Variants in LRIT3 observed in about 807,000 individuals in gnomAD.
The protein encoded by LRIT3 is leucine rich repeat, Ig-like and transmembrane domains 3, also known as leucine-rich repeat, immunoglobulin-like domain and transmembrane domain-containing protein 3.
In LRIT3, 14 loss-of-function variants were observed where a neutral mutation model predicts 22.6. The observed-to-expected ratio is 0.62, with a 90% CI of 0.41 to 0.97. LRIT3 has a LOEUF of 0.97. LRIT3 is among the 50% of genes least tolerant of loss of function. The pLI is 0.00. For missense variants in LRIT3, 783 were observed against 803.0 expected (o/e 0.98, Z 0.30); for synonymous variants, 306 against 304.5 (o/e 1.01, Z -0.05).
At chr4:109,853,084 T>C (rs979859196) in intron 2 of LRIT3, among the ~76,000 whole-genome samples, 3 of 152,228 alleles carry the variant, frequency 2.0e-5, no homozygotes, top group African/African-American at 7.2e-5. Flanking sequence ...TTATAATCCT[T>C]TGGGTATATA....
At chr4:109,865,122 G>T in intron 2 of LRIT3, 1 of 1,436,356 alleles carries the variant, frequency 7.0e-7, no homozygotes, top group Non-Finnish European at 9.2e-7. Flanking sequence ...TTTATAGGCT[G>T]ATAGAACGTT....
intron 2 of LRIT3, among the ~76,000 whole-genome samples, chr4:109,859,817 C>A (rs1379146627): frequency 6.6e-6 from 1 of 152,200 alleles, no homozygotes; most frequent in Non-Finnish European, 1.5e-5. Flanking sequence ...CATGTTGGCT[C>A]ATTCTGGCAG....
Position 109,851,605 on chromosome 4 carries a change from C to T in LRIT3, c.218C>T (p.Ser73Phe). The change falls in exon 2 of 4, where the codon TCT (serine) becomes TTT (phenylalanine). Residue 73 changes from serine (S) to phenylalanine (F), a missense_variant. Ser to Phe is a radical substitution (Grantham distance 155, BLOSUM62 -2). This residue lies in a region of LRIT3 where 756 missense variants were observed against 753.8 expected (regional missense o/e 1.00). Coordinates refer to ENST00000594814, the MANE Select transcript of LRIT3 (RefSeq NM_198506.5). ...RIEKTVIRRISAEAFYYLVEL... is the reference protein window; with the variant it reads ...RIEKTVIRRIFAEAFYYLVEL... ...GAGAAGACTGTCATCCGCAGAATCT[C>T]TGCGGAGGCCTTCTATTACCTGGTG... The T allele has an allele frequency of 6.4e-7, 1 of 1,551,802 alleles. No individual in the cohort carries two copies. Among genetic ancestry groups the T allele is most frequent in the Non-Finnish European group, 8.7e-7 (1 of 1,147,006 alleles).
At chr4:109,850,422 C>CCTTTCTTT (rs1251866042) in intron 1 of LRIT3, among the ~76,000 whole-genome samples, 18 of 55,106 alleles carry the variant, frequency 3.3e-4, no homozygotes, top group Admixed American at 9.6e-4. Flanking sequence ...TTCCTTCCTT[C>CCTTTCTTT]CTTTCTTTCT....
intron 1 of LRIT3, 52 bp downstream of exon 1, chr4:109,848,369 C>T (rs1734128700): frequency 1.9e-6 from 2 of 1,028,230 alleles, no homozygotes; most frequent in Non-Finnish European, 2.5e-6. Context: ...ACAAAAAGGA[C>T]CCAAACAAGA....
intron 2 of LRIT3, among the ~76,000 whole-genome samples, chr4:109,862,174 C>T (rs540086584): frequency 6.6e-6 from 1 of 152,276 alleles, no homozygotes; most frequent in Non-Finnish European, 1.5e-5. Flanking sequence ...ATTTATTGCT[C>T]ACTTTTCACA....
Position 109,869,856 on chromosome 4 carries a change from C to T in LRIT3, c.1107C>T (p.Val369=). 1 of 1,614,060 alleles carries T rather than the reference C, an allele frequency of 6.2e-7. No individual in the cohort carries two copies. The highest frequency in any genetic ancestry group is 8.5e-7 in the Non-Finnish European group (1 of 1,180,006). The change falls in exon 4 of 4, where the codon GTC becomes GTT. Residue 369 remains valine (V), a synonymous_variant. Transcript: ENST00000594814. ...CTGGAGATCATCCTGAGTGGGATGT[C>T]CAGCCGGGATCTGGAAGATCTACAT... ...ERTGDHPEWD[V]QPGSGRSTSV...
chr4:109,864,977 A>T, intron 2 of LRIT3: 1 of 974,782 alleles, frequency 1.0e-6, no homozygotes. Context: ...TTAGCACCTC[A>T]ATCAATAGAG....
At chr4:109,869,400 C>T (rs1464786738) in intron 3 of LRIT3, among the ~76,000 whole-genome samples, 1 of 152,156 alleles carries the variant, frequency 6.6e-6, no homozygotes, top group Non-Finnish European at 1.5e-5. Context: ...GTCCTGATTC[C>T]CAGCCTTTTG....
At chr4:109,854,546 C>T (rs1437967064) in intron 2 of LRIT3, among the ~76,000 whole-genome samples, 1 of 152,180 alleles carries the variant, frequency 6.6e-6, no homozygotes, top group African/African-American at 2.4e-5. Flanking sequence ...TTCCTCTCTT[C>T]CTATTTGAAT....
chr4:109,864,342 G>A (rs1734627433), intron 2 of LRIT3, among the ~76,000 whole-genome samples: 1 of 151,974 alleles, frequency 6.6e-6, no homozygotes, highest in Non-Finnish European at 1.5e-5. Flanking sequence ...GAGGACACTT[G>A]CCAGTTTGCA....
Position 109,870,834 on chromosome 4 carries a change from A to T in LRIT3, c.*45A>T, listed in dbSNP as rs1734818036. 1 of 1,519,996 alleles carries T rather than the reference A, an allele frequency of 6.6e-7. No individual in the cohort carries two copies. Among genetic ancestry groups the T allele is most frequent in the African/African-American group, 1.4e-5 (1 of 71,904 alleles). 94.2% of individuals were successfully genotyped at this position (1,519,996 alleles called of 1,614,324 possible). On this transcript the variant is annotated 3_prime_UTR_variant, in exon 4 of 4. Coordinates refer to ENST00000594814, the MANE Select transcript of LRIT3 (RefSeq NM_198506.5). ...ATGTGAGCTACAAAACTAGCATCTA[A>T]GGGTATAATTGACCCTAGGTTTGGA...
Position 109,865,015 on chromosome 4 carries a change from A to G in LRIT3, c.590-2626A>G, listed in dbSNP as rs1336533256. 8 of 1,340,282 alleles carry G rather than the reference A, an allele frequency of 6.0e-6. No individual in the cohort carries two copies. The East Asian group carries it at 8.0e-5, about 13-fold the overall frequency. The allele number at this position is 1,340,282 out of a possible 1,614,324, so 83.0% of individuals were successfully genotyped here. On this transcript the variant is annotated intron_variant, in intron 2 of 3. Transcript: ENST00000594814. ...AAAAATGTTACAAATTAGGCATTCT[A>G]TCATATTCTTCTGCTTTTTACTGAG... is the stretch of plus-strand genomic sequence containing the variant.
rs372572679 is a variant in LRIT3 at position 109,868,984 on chromosome 4, C to T, written c.896-661C>T. On this transcript the variant is annotated intron_variant, in intron 3 of 3. Coordinates refer to ENST00000594814, the MANE Select transcript of LRIT3 (RefSeq NM_198506.5). ...AAATCAAGGAAGAATGAAAATATAC[C>T]CAGATATCAGAGTTTAGGATAGCAA... Among the ~76,000 whole-genome samples the T allele has an allele frequency of 1.3e-3, 204 of 151,966 alleles. 1 individual carries two copies. Among genetic ancestry groups the T allele is most frequent in the South Asian group, 0.011 (54 of 4,802 alleles).
At chr4:109,850,410 C>T (rs1317630968) in intron 1 of LRIT3, among the ~76,000 whole-genome samples, 390 of 5,664 alleles carry the variant, frequency 0.069, 21 homozygotes, top group East Asian at 0.18. Context: ...TTCCTTCCTT[C>T]CTTCCTTCCT....
At chr4:109,865,970 A>G (rs938752217) in intron 2 of LRIT3, among the ~76,000 whole-genome samples, 3 of 152,182 alleles carry the variant, frequency 2.0e-5, no homozygotes, top group African/African-American at 7.2e-5. Flanking sequence ...ATTAATATTG[A>G]TTCAATAACT....
chr4:109,866,347 G>A (rs530994307), intron 2 of LRIT3, among the ~76,000 whole-genome samples: 1 of 152,250 alleles, frequency 6.6e-6, no homozygotes, highest in Non-Finnish European at 1.5e-5. Context: ...AGATCCTAGA[G>A]AGACTTTTGC....
chr4:109,851,150 C>T (rs1734244953), intron 1 of LRIT3, among the ~76,000 whole-genome samples: 1 of 152,174 alleles, frequency 6.6e-6, no homozygotes, highest in Non-Finnish European at 1.5e-5. Context: ...CAGTTACTTT[C>T]CATGTAAAAC....
At chr4:109,868,291 T>C (rs1396306226) in intron 3 of LRIT3, among the ~76,000 whole-genome samples, 1 of 152,018 alleles carries the variant, frequency 6.6e-6, no homozygotes, top group Non-Finnish European at 1.5e-5. Flanking sequence ...CTTTTGCTGG[T>C]TGGGTGCGGT....
Sources: allele counts gnomAD v4.1 joint callset (sites outside exome capture counted in the v4.1 genomes callset), GRCh38; gene constraint gnomAD v4.1.1; regional missense constraint gnomAD v4.1.1; transcripts MANE v1.5; gene names NCBI Gene and HGNC (gene_info 2026-07-23, HGNC 2026-07-21).